FGF14: variants seen among roughly 807,000 people sequenced by gnomAD.
FGF14 encodes the protein fibroblast growth factor 14, also known as fibroblast growth factor homologous factor 4.
Under a neutral mutation model 25.5 loss-of-function variants are expected in FGF14, and 5 were observed. That is an observed-to-expected ratio of 0.20 (90% confidence interval 0.10 to 0.41). The LOEUF (loss-of-function observed/expected upper bound fraction) is 0.41. Among genes scored for constraint, FGF14 ranks in the 10% least tolerant of loss-of-function variants. The pLI is 1.00. For synonymous variants in FGF14, 138 were observed against 118.3 expected, an observed-to-expected ratio of 1.17 and a Z score of -1.08; for missense variants, 222 against 320.1, an observed-to-expected ratio of 0.69 and a Z score of 2.34.
intron 1 of FGF14, among the ~76,000 whole-genome samples, chr13:102,385,594 AT>A (rs1296393899): frequency 1.3e-5 from 2 of 152,208 alleles, no homozygotes; most frequent in Non-Finnish European, 2.9e-5. Context: ...ATGAAATATC[AT>A]TTTTTATTTT....
At chr13:102,383,846 C>T (rs1269526404) in intron 1 of FGF14, among the ~76,000 whole-genome samples, 2 of 151,900 alleles carry the variant, frequency 1.3e-5, no homozygotes, top group Non-Finnish European at 2.9e-5. Context: ...AGAAGGAATT[C>T]AGGAAGGGTT....
intron 1 of FGF14, among the ~76,000 whole-genome samples, chr13:102,289,600 T>C (rs1182234263): frequency 6.6e-6 from 1 of 152,220 alleles, no homozygotes; most frequent in Non-Finnish European, 1.5e-5. Context: ...CTTCTTTTAG[T>C]GTTTTTCAGT....
chr13:101,960,720 G>A (rs2036799834), intron 1 of FGF14, among the ~76,000 whole-genome samples: 1 of 152,114 alleles, frequency 6.6e-6, no homozygotes, highest in Non-Finnish European at 1.5e-5. Flanking sequence ...TAATGGGATT[G>A]CCAGGTCAAA....
chr13:102,056,292 G>A (rs2042426195), intron 1 of FGF14, among the ~76,000 whole-genome samples: 1 of 152,144 alleles, frequency 6.6e-6, no homozygotes, highest in African/African-American at 2.4e-5. Flanking sequence ...CTGCCCTTGA[G>A]ACTACCTACA....
chr13:102,401,571 C>T (rs915043648), exon 1 of FGF14: 1 of 1,614,056 alleles, frequency 6.2e-7, no homozygotes, highest in Non-Finnish European at 8.5e-7. Flanking sequence ...TTGATTTGGG[C>T]GAAAAGCAAT....
chr13:102,189,678 T>C (rs1461789136), intron 1 of FGF14, among the ~76,000 whole-genome samples: 1 of 152,122 alleles, frequency 6.6e-6, no homozygotes, highest in Non-Finnish European at 1.5e-5. Flanking sequence ...ATTACTATAG[T>C]GGAATACCTG....
chr13:102,130,420 A>C (rs2046145849), intron 1 of FGF14, among the ~76,000 whole-genome samples: 1 of 152,096 alleles, frequency 6.6e-6, no homozygotes, highest in Non-Finnish European at 1.5e-5. Flanking sequence ...TTCACGTATC[A>C]CATCCCTCTA....
intron 1 of FGF14, among the ~76,000 whole-genome samples, chr13:102,189,098 A>AGG (rs1555374899): frequency 2.0e-5 from 3 of 150,084 alleles, no homozygotes; most frequent in Non-Finnish European, 4.4e-5. Flanking sequence ...GAGAGAAAGG[A>AGG]GGGAGAGAGA....
chr13:102,252,442 G>A (rs1479876383), intron 1 of FGF14, among the ~76,000 whole-genome samples: 5 of 152,216 alleles, frequency 3.3e-5, no homozygotes, highest in East Asian at 3.9e-4. Context: ...CTTGGTATCC[G>A]AGGGGACTGG....
chr13:102,280,150 T>C (rs1449634913), intron 1 of FGF14, among the ~76,000 whole-genome samples: 1 of 152,226 alleles, frequency 6.6e-6, no homozygotes. Flanking sequence ...TAACAGTACC[T>C]TCTCAGACCA....
intron 1 of FGF14, among the ~76,000 whole-genome samples, chr13:102,386,459 A>G (rs1163767134): frequency 6.6e-6 from 1 of 152,204 alleles, no homozygotes; most frequent in Non-Finnish European, 1.5e-5. Context: ...AAGTATTTCT[A>G]CCAATTATAA....
intron 3 of FGF14, among the ~76,000 whole-genome samples, chr13:101,781,549 C>G (rs1474137533): frequency 6.6e-6 from 1 of 152,174 alleles, no homozygotes; most frequent in Non-Finnish European, 1.5e-5. Context: ...GTTCCTTTAA[C>G]TGTATTATCT....
chr13:101,969,079 G>C (rs2037426341), intron 1 of FGF14, among the ~76,000 whole-genome samples: 1 of 152,152 alleles, frequency 6.6e-6, no homozygotes, highest in African/African-American at 2.4e-5. Context: ...GGGAGGTAAG[G>C]AAAATCTGGC....
At chr13:102,108,911 T>C (rs1170889623) in intron 1 of FGF14, among the ~76,000 whole-genome samples, 2 of 152,224 alleles carry the variant, frequency 1.3e-5, no homozygotes, top group Non-Finnish European at 2.9e-5. Flanking sequence ...TCATCTTTTA[T>C]ACGTATAATG....
At chr13:101,756,941 A>G (rs1286608638) in intron 3 of FGF14, among the ~76,000 whole-genome samples, 1 of 152,252 alleles carries the variant, frequency 6.6e-6, no homozygotes, top group Non-Finnish European at 1.5e-5. Context: ...ACTTGTATTC[A>G]TAGTGTTGCA....
At chr13:102,057,294 T>C (rs1237756022) in intron 1 of FGF14, among the ~76,000 whole-genome samples, 1 of 152,168 alleles carries the variant, frequency 6.6e-6, no homozygotes, top group Non-Finnish European at 1.5e-5. Context: ...TCTTATAGTT[T>C]AATGAATATT....
At chr13:101,787,296 G>C (rs2039894269) in intron 3 of FGF14, among the ~76,000 whole-genome samples, 1 of 152,112 alleles carries the variant, frequency 6.6e-6, no homozygotes, top group Admixed American at 6.5e-5. Context: ...AAGCTGTAAA[G>C]TACCATCTAG....
chr13:101,809,851 GT>G (rs561817738), intron 3 of FGF14, among the ~76,000 whole-genome samples: 6 of 151,668 alleles, frequency 4.0e-5, no homozygotes, highest in African/African-American at 1.2e-4. Context: ...ACCCTATAAG[GT>G]TTTTTTTCCA....
At chr13:102,052,426 G>C (rs1466405746) in intron 1 of FGF14, among the ~76,000 whole-genome samples, 4 of 151,708 alleles carry the variant, frequency 2.6e-5, no homozygotes, top group Non-Finnish European at 4.4e-5. Flanking sequence ...ACTATACCAA[G>C]ACATATTGTA....
Sources: allele counts gnomAD v4.1 joint callset (sites outside exome capture counted in the v4.1 genomes callset), GRCh38; gene constraint gnomAD v4.1.1; transcripts MANE v1.5; gene names NCBI Gene and HGNC (gene_info 2026-07-23, HGNC 2026-07-21).